The following TAF4 variants were observed in gnomAD, a reference collection of about 807,000 sequenced individuals.
TAF4 encodes the protein TATA-box binding protein associated factor 4, also known as transcription initiation factor TFIID subunit 4.
Under a neutral mutation model 90.3 loss-of-function variants are expected in TAF4, and 9 were observed. That is an observed-to-expected ratio of 0.10 (90% CI 0.06 to 0.17). TAF4 has a LOEUF of 0.17. TAF4 is among the 10% of genes least tolerant of loss of function. TAF4 has a pLI of 1.00. For synonymous variants in TAF4, 818 were observed against 638.9 expected, an observed-to-expected ratio of 1.28 and a Z score of -4.23; for missense variants, 1,351 against 1,370.7, an observed-to-expected ratio of 0.99 and a Z score of 0.23.
rs1204023848 is a variant in TAF4, at chr20:62,065,045, AGGGCGCGGCGGGCGCGGG to A, written c.748_765del (p.Pro250_Pro255del). 28 of 508,778 alleles carry A rather than the reference AGGGCGCGGCGGGCGCGGG, an allele frequency of 5.5e-5. No homozygotes were observed. The highest frequency in any genetic ancestry group is 3.4e-4 in the East Asian group (1 of 2,924). The allele number at this position is 508,778 out of a possible 1,614,324, so 31.5% of individuals were successfully genotyped here. A position where few individuals can be genotyped will look rare whatever the true frequency, so the allele number is the denominator to read the frequency against. On this transcript the variant is annotated inframe_deletion, in exon 1 of 15. Coordinates refer to ENST00000252996, the MANE Select transcript of TAF4 (RefSeq NM_003185.4). ...GCGGGCGCGGGGGCGGCGGGGGGCG[AGGGCGCGGCGGGCGCGGG>A]GGGCGCGGCGGCGCCCACGAAGGGG...
At position 62,065,302 on chromosome 20, in the gene TAF4, G is replaced by C. The variant is rs2056123022; in HGVS notation, c.509C>G (p.Ala170Gly). The C allele has an allele frequency of 1.1e-6, 1 of 925,104 alleles. No individual in the cohort carries two copies. Among genetic ancestry groups the C allele is most frequent in the Non-Finnish European group, 1.3e-6 (1 of 781,630 alleles). 57.3% of individuals were successfully genotyped at this position (925,104 alleles called of 1,614,324 possible). A position where few individuals can be genotyped will look rare whatever the true frequency, so the allele number is the denominator to read the frequency against. ...PAGPAALAAR[A>G]GPGPGPGPGP... ...GGGGCCGGGCCCGGGGCCGGGGCCG[G>C]CGCGGGCGGCCAGCGCGGCGGGGCC... The change falls in exon 1 of 15, where the codon GCC (alanine) becomes GGC (glycine). Residue 170 changes from alanine (A) to glycine (G), a missense_variant. Transcript: ENST00000252996.
intron 1 of TAF4, among the ~76,000 whole-genome samples, chr20:62,047,335 G>C (rs2055999252): frequency 6.6e-6 from 1 of 152,076 alleles, no homozygotes; most frequent in Non-Finnish European, 1.5e-5. Context: ...TGACACCCCT[G>C]AAACACTGAC....
chr20:62,010,783 G>A lies in TAF4; in HGVS notation c.1642-618C>T, dbSNP rs1238777580. Among the ~76,000 whole-genome samples the A allele has an allele frequency of 6.6e-6, 1 of 152,224 alleles. No individual in the cohort carries two copies. The highest frequency in any genetic ancestry group is 1.5e-5 in the Non-Finnish European group (1 of 68,034). ...GTCATCAGTGTCAAACTGTCAGAAA[G>A]GAGGGGCTGCTTTGCTAAGCAAATG... On this transcript the variant is annotated intron_variant, in intron 3 of 14. Transcript: ENST00000252996. This position sits in a 1 kb window ranked among gnomAD's most constrained non-coding sequence, Gnocchi z 4.5.
Position 62,007,654 on chromosome 20 carries a change from T to A in TAF4, c.1885-18A>T. On this transcript the variant is annotated intron_variant, in intron 5 of 14. Transcript: ENST00000252996. ...TTTCCATCCTTAAAAATAAAATCCA[T>A]GTTGAAATTCTGGTGAATGAGATTC... 6.3e-7 allele frequency: 1 copy of A among 1,593,130 alleles called. No individual in the cohort carries two copies. The highest frequency in any genetic ancestry group is 8.6e-7 in the Non-Finnish European group (1 of 1,168,026).
chr20:61,977,069 G>A (rs977740637), intron 14 of TAF4, among the ~76,000 whole-genome samples: 1 of 130,884 alleles, frequency 7.6e-6, no homozygotes, highest in Non-Finnish European at 1.7e-5. Flanking sequence ...GCCCAGCGGG[G>A]CACACGCCAC....
intron 1 of TAF4, among the ~76,000 whole-genome samples, chr20:62,032,315 G>A (rs2145494246): frequency 6.6e-6 from 1 of 152,304 alleles, no homozygotes; most frequent in Admixed American, 6.5e-5. Context: ...GTCCCCTGAT[G>A]GGCCAGGACA....
intron 1 of TAF4, among the ~76,000 whole-genome samples, chr20:62,044,389 C>A (rs1271961785): frequency 6.6e-6 from 1 of 152,068 alleles, no homozygotes; most frequent in Non-Finnish European, 1.5e-5. Context: ...TTTTGAACCA[C>A]ATAAATGTTT....
At chr20:61,997,065 CA>C (rs1393591904) in intron 14 of TAF4, among the ~76,000 whole-genome samples, 1 of 152,072 alleles carries the variant, frequency 6.6e-6, no homozygotes, top group African/African-American at 2.4e-5. Flanking sequence ...GCAAAAATAA[CA>C]TGTCAAGGCT....
chr20:62,019,120 A>G (rs985205040), intron 1 of TAF4, among the ~76,000 whole-genome samples: 9 of 152,232 alleles, frequency 5.9e-5, no homozygotes, highest in Non-Finnish European at 1.3e-4. Flanking sequence ...TGGGGCTTCC[A>G]ATTGTCCTAA....
chr20:61,985,686 A>G (rs2055584373), intron 14 of TAF4, among the ~76,000 whole-genome samples: 2 of 151,166 alleles, frequency 1.3e-5, no homozygotes, highest in African/African-American at 4.9e-5. Flanking sequence ...GCACGAGGGA[A>G]GCTAGAATGA....
chr20:61,997,483 G>C (rs879697599), intron 14 of TAF4, 67 bp downstream of exon 14: 10 of 1,423,072 alleles, frequency 7.0e-6, no homozygotes, highest in Non-Finnish European at 9.3e-6. Context: ...CCGTCCCCTA[G>C]AAGAGGGTGG....
chr20:62,003,380 G>T, intron 8 of TAF4, 106 bp from the exon 9 acceptor site: 2 of 923,940 alleles, frequency 2.2e-6, no homozygotes, highest in Non-Finnish European at 3.4e-6. Context: ...CTCCTAATTA[G>T]CTACAAGAAA....
chr20:62,000,915 T>C (rs966308344), intron 9 of TAF4, among the ~76,000 whole-genome samples, 194 bp from the exon 10 acceptor site: 11 of 152,142 alleles, frequency 7.2e-5, no homozygotes, highest in African/African-American at 1.7e-4. Flanking sequence ...GAAAGCTCGA[T>C]TGTTCTGCGG....
chr20:62,001,937 G>A (rs963681826), intron 9 of TAF4, among the ~76,000 whole-genome samples: 5 of 152,264 alleles, frequency 3.3e-5, no homozygotes, highest in African/African-American at 9.6e-5. Flanking sequence ...TTACTGGGGC[G>A]TTACTGTTCC....
intron 1 of TAF4, chr20:62,037,706 G>C (rs1381269652): frequency 4.9e-6 from 1 of 205,538 alleles, no homozygotes; most frequent in African/African-American, 2.3e-5. Flanking sequence ...GCTCTTTTCG[G>C]GTCACCAACC....
In TAF4 at chr20:62,000,196, G is replaced by A; in HGVS notation, c.2715C>T (p.Ala905=). 1 of 1,614,196 alleles carries A rather than the reference G, an allele frequency of 6.2e-7. No homozygotes were observed. The highest frequency in any genetic ancestry group is 1.3e-5 in the African/African-American group (1 of 75,046). The part of the protein sequence containing the change: ...HPDVVSYVSH[A]TQQRLQNLVE... ...CAAGATTCTGTAGCCTTTGTTGCGT[G>A]GCATGTGATACATAACTTACTACAT... The change falls in exon 11 of 15, where the codon GCC becomes GCT. Residue 905 remains alanine, a synonymous_variant. Coordinates refer to ENST00000252996, the MANE Select transcript of TAF4 (RefSeq NM_003185.4).
intron 1 of TAF4, chr20:62,064,230 G>A (rs2056107551): frequency 4.5e-6 from 2 of 445,972 alleles, no homozygotes; most frequent in Non-Finnish European, 3.7e-6. Flanking sequence ...GGACGTCAGG[G>A]ACAGCGACAG....
At chr20:62,020,044 GCT>G (rs1042515038) in intron 1 of TAF4, among the ~76,000 whole-genome samples, 1 of 152,190 alleles carries the variant, frequency 6.6e-6, no homozygotes, top group African/African-American at 2.4e-5. Flanking sequence ...CCCTGGCTTG[GCT>G]CTGTCTGTGG....
intron 1 of TAF4, among the ~76,000 whole-genome samples, chr20:62,031,284 C>A (rs1051570504): frequency 1.3e-5 from 2 of 152,202 alleles, no homozygotes; most frequent in Admixed American, 1.3e-4. Flanking sequence ...GTCCTCCAGG[C>A]ACCGCACACC....
Sources: gnomAD v4.1 joint callset for allele counts (sites outside exome capture counted in the v4.1 genomes callset) on GRCh38, gnomAD v4.1.1 for gene constraint, Gnocchi (gnomAD v3.1) non-coding constraint, MANE v1.5 for transcripts, NCBI Gene and HGNC (gene_info 2026-07-23, HGNC 2026-07-21) for gene names.